The following HCN2 variants were observed in gnomAD, a reference collection of about 807,000 sequenced individuals.
The protein encoded by HCN2 is hyperpolarization activated cyclic nucleotide gated potassium and sodium channel 2, also known as potassium/sodium hyperpolarization-activated cyclic nucleotide-gated channel 2.
A neutral mutation model predicts 52.3 loss-of-function variants in HCN2; 20 were observed. The observed-to-expected ratio is 0.38, with a 90% CI of 0.27 to 0.56. The LOEUF (loss-of-function observed/expected upper bound fraction) is 0.56. Ranked by LOEUF, HCN2 falls within the 20% of genes least tolerant of loss-of-function variation. The pLI is 0.71. For synonymous variants in HCN2, 694 were observed against 537.0 expected (o/e 1.29, Z -4.04); for missense variants, 981 against 1,207.7 (o/e 0.81, Z 2.78).
rs1982878129 is a variant in HCN2 at position 591,689 on chromosome 19, C to T, written c.632+1112C>T. ...CGCGGTTTCAGCACCACGGACAGCG[C>T]GCCGGACCTGGGAAGCCTGCGGTTT... On this transcript the variant is annotated intron_variant, in intron 1 of 7. Coordinates refer to ENST00000251287, the MANE Select transcript of HCN2 (RefSeq NM_001194.4). The surrounding 1 kb of genome is among the most constrained non-coding windows in gnomAD (Gnocchi z 4.1). Among the ~76,000 whole-genome samples, 1 of 152,086 alleles carries T rather than the reference C, an allele frequency of 6.6e-6. No homozygotes were observed. Among genetic ancestry groups the T allele is most frequent in the African/African-American group, 2.4e-5 (1 of 41,418 alleles).
In HCN2 at chr19:615,823, G is replaced by C; in HGVS notation, c.2019G>C (p.Lys673Asn). Residue 673 changes from lysine (K) to asparagine (N), a missense_variant, in exon 8 of 8, where the codon AAG (lysine) becomes AAC (asparagine). By Grantham distance (94) the Lys-to-Asn change is moderately conservative. Coordinates refer to ENST00000251287, the MANE Select transcript of HCN2 (RefSeq NM_001194.4). ...IGKKNSILLH[K>N]VQHDLNSGVF... ...AGAAGAATTCCATCCTCCTGCACAA[G>C]GTGCAGCATGACCTCAACTCGGGCG... The C allele has an allele frequency of 6.2e-7, 1 of 1,612,344 alleles. No individual in the cohort carries two copies. The highest frequency in any genetic ancestry group is 8.5e-7 in the Non-Finnish European group (1 of 1,179,690).
At chr19:614,229 G>T (rs1418933222) in intron 7 of HCN2, among the ~76,000 whole-genome samples, 2 of 152,080 alleles carry the variant, frequency 1.3e-5, no homozygotes, top group Admixed American at 1.3e-4. Context: ...GCCGCTCCTA[G>T]GACCCCTTTG....
chr19:614,474 C>A (rs575821196), intron 7 of HCN2, among the ~76,000 whole-genome samples: 1 of 152,074 alleles, frequency 6.6e-6, no homozygotes, highest in African/African-American at 2.4e-5. Flanking sequence ...CAGGTGGGGC[C>A]GGTGGGCTTC....
chr19:614,113 G>A, intron 7 of HCN2, 97 bp downstream of exon 7: 1 of 747,162 alleles, frequency 1.3e-6, no homozygotes. Flanking sequence ...GCAGGGGGAA[G>A]GGCGTGGCTG....
intron 1 of HCN2, 106 bp from the exon 2 acceptor site, chr19:603,438 C>A: frequency 3.6e-6 from 3 of 838,524 alleles, no homozygotes; most frequent in Non-Finnish European, 5.5e-6. Flanking sequence ...GAGGCACTGG[C>A]TCGAGGTGTG....
At position 616,901 on chromosome 19, in the gene HCN2, A is replaced by C. The variant is rs1184751022; in HGVS notation, c.*427A>C. On this transcript the variant is annotated 3_prime_UTR_variant, in exon 8 of 8. Coordinates refer to ENST00000251287, the MANE Select transcript of HCN2 (RefSeq NM_001194.4). ...GGCCCGCCGGCTTCCCGCTGCCCCCATCGCGCTCACGCAATAACCGGCCCG... is the reference window on the plus strand; with the variant it reads ...GGCCCGCCGGCTTCCCGCTGCCCCCCTCGCGCTCACGCAATAACCGGCCCG... The C allele has an allele frequency of 6.7e-5, 17 of 252,436 alleles. No homozygotes were observed. The highest frequency in any genetic ancestry group is 1.0e-4 in the Non-Finnish European group (14 of 135,842). The allele number at this position is 252,436 out of a possible 1,614,324, so 15.6% of individuals were successfully genotyped here. A position where few individuals can be genotyped will look rare whatever the true frequency, so the allele number is the denominator to read the frequency against.
chr19:599,847 CGTGTGTGT>C (rs34793549), intron 1 of HCN2, among the ~76,000 whole-genome samples: 5,534 of 133,350 alleles, frequency 0.041, 146 homozygotes, highest in Admixed American at 0.091. Context: ...GAAGGGGTCC[CGTGTGTGT>C]GTGTGTGTGT....
At position 613,841 on chromosome 19, in the gene HCN2, G is replaced by C. The variant is rs775844427; in HGVS notation, c.1826-11G>C. ...CTCGTCCAGCAACCCCCCCCTGCGCGCCACGTGCAGAGATCTGCCTGCTCA... is the reference window on the plus strand; with the variant it reads ...CTCGTCCAGCAACCCCCCCCTGCGCCCCACGTGCAGAGATCTGCCTGCTCA... On this transcript the variant is annotated splice_polypyrimidine_tract_variant and intron_variant, in intron 6 of 7. Transcript: ENST00000251287. The C allele has an allele frequency of 6.5e-7, 1 of 1,539,672 alleles. No individual in the cohort carries two copies.
chr19:595,709 G>A (rs1291836371), intron 1 of HCN2, among the ~76,000 whole-genome samples: 5 of 151,728 alleles, frequency 3.3e-5, no homozygotes, highest in South Asian at 2.1e-4. Context: ...CTGCCCCGTC[G>A]GGATCACCCG....
intron 5 of HCN2, among the ~76,000 whole-genome samples, chr19:612,144 CAAAAA>C (rs911099931): frequency 2.2e-5 from 3 of 135,712 alleles, no homozygotes; most frequent in African/African-American, 8.1e-5. Context: ...GACTCCGTCT[CAAAAA>C]AAAAAAAAGT....
At position 617,001 on chromosome 19, in the gene HCN2, G is replaced by C. The variant is rs1300413036; in HGVS notation, c.*527G>C. On this transcript the variant is annotated 3_prime_UTR_variant, in exon 8 of 8. Coordinates refer to ENST00000251287, the MANE Select transcript of HCN2 (RefSeq NM_001194.4). ...CTCCCTCCAGCACTGGCACCGAGAGGCAGGCCTGGCTGCGCAGGGCGCGGG... is the reference window on the plus strand; with the variant it reads ...CTCCCTCCAGCACTGGCACCGAGAGCCAGGCCTGGCTGCGCAGGGCGCGGG... 9.6e-5 allele frequency: 47 copies of C among 489,816 alleles called. No individual in the cohort carries two copies. In the East Asian group the frequency reaches 1.7e-3, roughly 18 times the overall value. The allele number at this position is 489,816 out of a possible 1,614,324, so 30.3% of individuals were successfully genotyped here.
At chr19:613,791 G>A in intron 6 of HCN2, 61 bp from the exon 7 acceptor site, 1 of 1,423,312 alleles carries the variant, frequency 7.0e-7, no homozygotes, top group Non-Finnish European at 9.1e-7. Flanking sequence ...CCGTGTGCCT[G>A]GGCGGGGAGG....
At position 591,752 on chromosome 19, in the gene HCN2, AGGACAGCCCCCACGGACCCTGGACCCCC is replaced by A; in HGVS notation, c.632+1179_632+1206del. Among the ~76,000 whole-genome samples the A allele has an allele frequency of 6.6e-6, 1 of 152,066 alleles. No individual in the cohort carries two copies. The highest frequency in any genetic ancestry group is 6.5e-5 in the Admixed American group (1 of 15,276). ...CTCCTCCTCCAGGCCTGGGCGCCCC[AGGACAGCCCCCACGGACCCTGGACCCCC>A]GGAACTGGGCAGGGAGGCTGTGGGG... On this transcript the variant is annotated intron_variant, in intron 1 of 7. Coordinates refer to ENST00000251287, the MANE Select transcript of HCN2 (RefSeq NM_001194.4). This position sits in a 1 kb window ranked among gnomAD's most constrained non-coding sequence, Gnocchi z 4.1.
chr19:615,107 A>G (rs540778518), intron 7 of HCN2, among the ~76,000 whole-genome samples: 231 of 152,148 alleles, frequency 1.5e-3, no homozygotes, highest in Middle Eastern at 6.8e-3. Context: ...TGTTTTCGGT[A>G]TGCCTGTGGC....
intron 5 of HCN2, among the ~76,000 whole-genome samples, chr19:610,755 C>T (rs1983596996): frequency 6.6e-6 from 1 of 152,208 alleles, no homozygotes; most frequent in African/African-American, 2.4e-5. Context: ...GCGGGTTTAA[C>T]TCCCAGCTCT....
intron 5 of HCN2, among the ~76,000 whole-genome samples, chr19:612,870 G>A (rs572507180): frequency 6.6e-6 from 1 of 151,338 alleles, no homozygotes; most frequent in Non-Finnish European, 1.5e-5. Flanking sequence ...GTAGAGACGG[G>A]GGTCTTACCG....
At chr19:603,456 C>T (rs1983286584) in intron 1 of HCN2, 88 bp from the exon 2 acceptor site, 2 of 1,069,586 alleles carry the variant, frequency 1.9e-6, no homozygotes, top group Non-Finnish European at 1.4e-6. Context: ...GTGGGCGCCC[C>T]TCGTCCCCCA....
At chr19:611,659 G>A (rs1284014949) in intron 5 of HCN2, among the ~76,000 whole-genome samples, 1 of 152,214 alleles carries the variant, frequency 6.6e-6, no homozygotes, top group African/African-American at 2.4e-5. Context: ...ACCACAAAAT[G>A]CATAAAATGC....
At chr19:613,527 A>C in intron 6 of HCN2, 39 bp downstream of exon 6, 1 of 697,344 alleles carries the variant, frequency 1.4e-6, no homozygotes, top group Non-Finnish European at 2.3e-6. Flanking sequence ...GGGAGGGGGC[A>C]CGCGACCCCC....
Sources: gnomAD v4.1 joint callset for allele counts (sites outside exome capture counted in the v4.1 genomes callset) on GRCh38, gnomAD v4.1.1 for gene constraint, Gnocchi (gnomAD v3.1) non-coding constraint, MANE v1.5 for transcripts, NCBI Gene and HGNC (gene_info 2026-07-23, HGNC 2026-07-21) for gene names.